The following PDS5A variants were observed in gnomAD, a reference collection of about 807,000 sequenced individuals.
The protein encoded by PDS5A is PDS5 cohesin associated factor A, also known as sister chromatid cohesion protein PDS5 homolog A.
PDS5A carries 42 observed loss-of-function variants against 167.1 expected under a neutral mutation model. The observed-to-expected ratio is 0.25, with a 90% CI of 0.20 to 0.33. The LOEUF is 0.33. Ranked by LOEUF, PDS5A falls within the 10% of genes least tolerant of loss-of-function variation. The pLI, the probability that PDS5A is intolerant of heterozygous loss-of-function variation, is 1.00. For synonymous variants in PDS5A, 553 were observed against 554.6 expected, an observed-to-expected ratio of 1.00 and a Z score of 0.04; for missense variants, 1,033 against 1,605.9, an observed-to-expected ratio of 0.64 and a Z score of 6.10.
chr4:39,867,772 A>ACACACACC (rs1560440018), intron 22 of PDS5A, among the ~76,000 whole-genome samples: 5 of 90,596 alleles, frequency 5.5e-5, no homozygotes, highest in Non-Finnish European at 2.2e-5. Flanking sequence ...ACACACACAC[A>ACACACACC]CACCCCACAA....
intron 2 of PDS5A, among the ~76,000 whole-genome samples, chr4:39,960,741 G>A (rs1457968118): frequency 6.6e-6 from 1 of 151,322 alleles, no homozygotes; most frequent in Non-Finnish European, 1.5e-5. Flanking sequence ...CCAGGCTGGA[G>A]TGCAGTGGTG....
intron 22 of PDS5A, chr4:39,868,813 G>A (rs1719767054): frequency 5.1e-6 from 2 of 391,350 alleles, no homozygotes; most frequent in Admixed American, 3.1e-5. Context: ...TGAATTGATA[G>A]AATATATGAT....
At chr4:39,913,275 C>T (rs1044544316) in intron 9 of PDS5A, among the ~76,000 whole-genome samples, 21 of 151,870 alleles carry the variant, frequency 1.4e-4, no homozygotes, top group African/African-American at 4.8e-4. Flanking sequence ...AGTAGAGACA[C>T]CATGTTGGTC....
At chr4:39,834,415 GTCC>G (rs1029872527) in intron 32 of PDS5A, among the ~76,000 whole-genome samples, 1 of 152,154 alleles carries the variant, frequency 6.6e-6, no homozygotes, top group Non-Finnish European at 1.5e-5. Context: ...TCACCAGAGA[GTCC>G]TCCTCCACCA....
chr4:39,961,366 T>G (rs953748092), intron 2 of PDS5A, among the ~76,000 whole-genome samples: 2 of 152,204 alleles, frequency 1.3e-5, no homozygotes, highest in East Asian at 3.9e-4. Flanking sequence ...TGGCGCCATC[T>G]CGGCTCACTG....
chr4:39,939,489 A>T lies in PDS5A; in HGVS notation c.139-11325T>A, dbSNP rs74649633. ...CTCAAAACCTAAAATGAAAAAAAAA[A>T]TTTTTTTTAAATAGCTTTACTGCGG... On this transcript the variant is annotated intron_variant, in intron 2 of 32. Coordinates refer to ENST00000303538, the MANE Select transcript of PDS5A (RefSeq NM_001100399.2). Among the ~76,000 whole-genome samples the T allele has an allele frequency of 5.3e-5, 8 of 150,190 alleles. No individual in the cohort carries two copies. In the East Asian group the frequency reaches 5.9e-4, roughly 11 times the overall value.
chr4:39,899,960 A>AACCAGGGGACCATGTTTTAC, intron 14 of PDS5A, among the ~76,000 whole-genome samples: 1 of 151,562 alleles, frequency 6.6e-6, no homozygotes, highest in Admixed American at 6.6e-5. Flanking sequence ...CACCTATTCT[A>AACCAGGGGACCATGTTTTAC]GTGAACACAC....
At chr4:39,852,958 T>C (rs1019606097) in intron 26 of PDS5A, among the ~76,000 whole-genome samples, 3 of 152,292 alleles carry the variant, frequency 2.0e-5, no homozygotes, top group Admixed American at 2.0e-4. Context: ...TGTTAATCTT[T>C]AGAAATTGTT....
intron 21 of PDS5A, among the ~76,000 whole-genome samples, chr4:39,871,007 A>C (rs1215015432): frequency 1.3e-5 from 2 of 152,212 alleles, no homozygotes; most frequent in Non-Finnish European, 2.9e-5. Flanking sequence ...CAACATTCTG[A>C]TACATACTAC....
intron 2 of PDS5A, among the ~76,000 whole-genome samples, chr4:39,950,785 G>T (rs57910203): frequency 0.13 from 19,082 of 151,698 alleles, 1,364 homozygotes; most frequent in African/African-American, 0.21. Context: ...ACAGGGTTTC[G>T]CCATGTTGGC....
At position 39,850,816 on chromosome 4, in the gene PDS5A, T is replaced by C. The variant is rs561880455; in HGVS notation, c.3087-1164A>G. ...AGTGAACCCCAAATCAGGCTGAACA[T>C]TAGAATTGTTTGGATAACTTAAATA... On this transcript the variant is annotated intron_variant, in intron 26 of 32. Transcript: ENST00000303538. Among the ~76,000 whole-genome samples the C allele has an allele frequency of 4.6e-5, 7 of 152,314 alleles. No homozygotes were observed. The South Asian group carries it at 1.2e-3, about 27-fold the overall frequency.
chr4:39,956,255 G>A (rs1728914686), intron 2 of PDS5A, among the ~76,000 whole-genome samples: 1 of 152,112 alleles, frequency 6.6e-6, no homozygotes, highest in African/African-American at 2.4e-5. Flanking sequence ...CTTTTGGGAG[G>A]CTATGGCAGG....
rs148788285 is a variant in PDS5A, at chr4:39,838,758, G to A, written c.3658-550C>T. Among the ~76,000 whole-genome samples, 676 of 152,170 alleles carry A rather than the reference G, an allele frequency of 4.4e-3. 8 individuals carry two copies. Among genetic ancestry groups the A allele is most frequent in the African/African-American group, 0.015 (638 of 41,518 alleles). On this transcript the variant is annotated intron_variant, in intron 31 of 32. Coordinates refer to ENST00000303538, the MANE Select transcript of PDS5A (RefSeq NM_001100399.2). The stretch of plus-strand genomic sequence containing the variant: ...TTGCAAGCCCGGCACGGTGCCTCAC[G>A]CCTGTAATCTCACTACTTTGGGAGG...
chr4:39,957,315 G>A (rs1332388919), intron 2 of PDS5A, among the ~76,000 whole-genome samples: 5 of 150,454 alleles, frequency 3.3e-5, no homozygotes, highest in East Asian at 2.0e-4. Flanking sequence ...AGACTCCATC[G>A]CAAGAAAAAA....
intron 30 of PDS5A, among the ~76,000 whole-genome samples, chr4:39,842,970 A>G (rs28396742): frequency 0.052 from 6,898 of 132,184 alleles, 279 homozygotes; most frequent in East Asian, 0.25. Flanking sequence ...CTGAAATGAA[A>G]TATGTAATCA....
At chr4:39,976,329 G>A (rs1731076787) in intron 2 of PDS5A, 111 bp downstream of exon 2, 2 of 762,970 alleles carry the variant, frequency 2.6e-6, no homozygotes, top group East Asian at 5.0e-5. Flanking sequence ...TTTCAGAGGG[G>A]GTAAGAGATC....
At chr4:39,945,968 G>C (rs1384049627) in intron 2 of PDS5A, among the ~76,000 whole-genome samples, 1 of 151,778 alleles carries the variant, frequency 6.6e-6, no homozygotes, top group East Asian at 2.0e-4. Context: ...TTGGGAGGCC[G>C]TGGAGGGAGG....
intron 9 of PDS5A, 61 bp from the exon 10 acceptor site, chr4:39,910,399 G>T: frequency 2.4e-6 from 2 of 822,500 alleles, no homozygotes; most frequent in Non-Finnish European, 4.0e-6. Context: ...CTCAAATCAG[G>T]TATATCTAAC....
At chr4:39,925,037 G>A (rs1035940806) in intron 5 of PDS5A, among the ~76,000 whole-genome samples, 4 of 152,094 alleles carry the variant, frequency 2.6e-5, no homozygotes, top group East Asian at 1.9e-4. Flanking sequence ...GCTTGAACCC[G>A]GGAGGTGGAA....
Sources: gnomAD v4.1 joint callset for allele counts (sites outside exome capture counted in the v4.1 genomes callset) on GRCh38, gnomAD v4.1.1 for gene constraint, MANE v1.5 for transcripts, NCBI Gene and HGNC (gene_info 2026-07-23, HGNC 2026-07-21) for gene names.